The following PTK2 variants were observed in gnomAD, a reference collection of about 807,000 sequenced individuals.
PTK2 encodes focal adhesion kinase 1.
A neutral mutation model predicts 150.1 loss-of-function variants in PTK2; 45 were observed. The observed-to-expected ratio is 0.30, with a 90% CI of 0.24 to 0.38. The LOEUF (loss-of-function observed/expected upper bound fraction) is 0.38, where lower values mean the gene tolerates loss of function less well. Ranked by LOEUF, PTK2 falls within the 10% of genes least tolerant of loss-of-function variation. The pLI is 1.00. For synonymous variants in PTK2, 432 were observed against 449.2 expected, an observed-to-expected ratio of 0.96 and a Z score of 0.48; for missense variants, 919 against 1,307.3, an observed-to-expected ratio of 0.70 and a Z score of 4.58.
intron 26 of PTK2, among the ~76,000 whole-genome samples, chr8:140,695,399 C>T (rs1357149741): frequency 6.6e-6 from 1 of 151,580 alleles, no homozygotes; most frequent in East Asian, 1.9e-4. Flanking sequence ...GCAAGCAACG[C>T]TAAGGTGGTC....
chr8:140,979,002 C>G (rs1398794909), intron 1 of PTK2, among the ~76,000 whole-genome samples: 1 of 151,200 alleles, frequency 6.6e-6, no homozygotes, highest in Non-Finnish European at 1.5e-5. Context: ...AGCAAACTAT[C>G]GCAAGGACAA....
intron 2 of PTK2, among the ~76,000 whole-genome samples, chr8:140,914,552 T>A (rs1407823419): frequency 7.4e-6 from 1 of 135,894 alleles, no homozygotes; most frequent in South Asian, 2.2e-4. Context: ...CACCCAAGAG[T>A]TTTTTTTTTT....
At chr8:140,838,104 G>A (rs1264645769) in intron 7 of PTK2, among the ~76,000 whole-genome samples, 2 of 152,062 alleles carry the variant, frequency 1.3e-5, no homozygotes, top group Non-Finnish European at 2.9e-5. Context: ...TTGTGCATTA[G>A]GCTGTAAACA....
At chr8:140,796,218 T>C (rs774006857) in intron 12 of PTK2, among the ~76,000 whole-genome samples, 1 of 152,176 alleles carries the variant, frequency 6.6e-6, no homozygotes. Flanking sequence ...TTTGCAGAGA[T>C]AGTTGTGAGG....
At chr8:140,704,034 C>T (rs978296660) in intron 24 of PTK2, among the ~76,000 whole-genome samples, 1 of 152,132 alleles carries the variant, frequency 6.6e-6, no homozygotes, top group South Asian at 2.1e-4. Flanking sequence ...TCAAGTAAGA[C>T]ATATAGTTAG....
chr8:140,771,050 G>T, intron 14 of PTK2: 1 of 164,524 alleles, frequency 6.1e-6, no homozygotes. Context: ...GAATCTCCCA[G>T]CTCTGTAGAG....
chr8:140,897,511 T>A (rs1414563891), intron 2 of PTK2, among the ~76,000 whole-genome samples: 1 of 152,246 alleles, frequency 6.6e-6, no homozygotes, highest in African/African-American at 2.4e-5. Flanking sequence ...GGTCTGTGTC[T>A]GATGCTGTTA....
intron 11 of PTK2, 32 bp downstream of exon 11, chr8:140,803,511 T>C (rs1229403777): frequency 6.5e-7 from 1 of 1,543,724 alleles, no homozygotes; most frequent in Non-Finnish European, 9.0e-7. Context: ...TTTAACCATT[T>C]TCCCTTAATG....
chr8:140,752,185 C>A (rs773575369), intron 17 of PTK2, 47 bp downstream of exon 20: 2 of 1,460,894 alleles, frequency 1.4e-6, no homozygotes, highest in East Asian at 2.3e-5. Flanking sequence ...TTGGATTTCA[C>A]AGATAGAAAG....
intron 8 of PTK2, among the ~76,000 whole-genome samples, chr8:140,830,090 C>CACAT (rs2100114443): frequency 1.2e-5 from 1 of 82,104 alleles, no homozygotes; most frequent in Non-Finnish European, 2.9e-5. Context: ...CACATACACA[C>CACAT]ACACACACAC....
intron 1 of PTK2, among the ~76,000 whole-genome samples, chr8:140,999,796 T>C (rs1343381400): frequency 6.6e-6 from 1 of 150,832 alleles, no homozygotes; most frequent in East Asian, 1.9e-4. Context: ...TACTGGTCTG[T>C]TTTTCCAGCC....
At chr8:141,000,122 CA>C (rs2100199472) in intron 1 of PTK2, among the ~76,000 whole-genome samples, 1 of 149,462 alleles carries the variant, frequency 6.7e-6, no homozygotes, top group African/African-American at 2.5e-5. Context: ...CACACACACA[CA>C]CACCCCTTCT....
At chr8:140,937,831 T>C (rs931627348) in intron 1 of PTK2, among the ~76,000 whole-genome samples, 1 of 152,204 alleles carries the variant, frequency 6.6e-6, no homozygotes, top group African/African-American at 2.4e-5. Context: ...TGCACGTCTG[T>C]AGTCCCAGCT....
Position 140,912,260 on chromosome 8 carries a change from AC to A in PTK2, c.-33+13400del, listed in dbSNP as rs375522706. Among the ~76,000 whole-genome samples, 449 of 151,910 alleles carry A rather than the reference AC, an allele frequency of 3.0e-3. 3 individuals are homozygous for A. The highest frequency in any genetic ancestry group is 0.01 in the African/African-American group (421 of 41,344). Reference sequence around the variant, plus strand: ...TCTGTCTCTATAAAAGAAAAAAAAAACAAAAAAACAAAAAAATCAGGATAAT... The same window carrying A: ...TCTGTCTCTATAAAAGAAAAAAAAAAAAAAAAACAAAAAAATCAGGATAAT... On this transcript the variant is annotated intron_variant, in intron 2 of 31. Transcript: ENST00000522684.
At chr8:140,737,629 T>C (rs2100053342) in intron 21 of PTK2, among the ~76,000 whole-genome samples, 4 of 152,204 alleles carry the variant, frequency 2.6e-5, no homozygotes, top group Admixed American at 2.6e-4. Flanking sequence ...CATTCAGACA[T>C]TACAGTAACA....
intron 14 of PTK2, among the ~76,000 whole-genome samples, chr8:140,773,150 T>A (rs931536626): frequency 2.6e-5 from 4 of 152,204 alleles, no homozygotes; most frequent in East Asian, 1.9e-4. Context: ...GTGAATTTTT[T>A]AAAAAAGTAC....
At chr8:140,897,299 T>C (rs745334555) in intron 2 of PTK2, among the ~76,000 whole-genome samples, 1 of 152,150 alleles carries the variant, frequency 6.6e-6, no homozygotes, top group African/African-American at 2.4e-5. Flanking sequence ...TTTGTTACAA[T>C]GTTACCAGAA....
chr8:140,951,492 G>A (rs2100179538), intron 1 of PTK2, among the ~76,000 whole-genome samples: 1 of 152,188 alleles, frequency 6.6e-6, no homozygotes, highest in South Asian at 2.1e-4. Context: ...GGGAATTACA[G>A]GAACACTGGT....
At chr8:140,694,829 T>A (rs1466113169) in intron 26 of PTK2, among the ~76,000 whole-genome samples, 2 of 152,194 alleles carry the variant, frequency 1.3e-5, no homozygotes, top group Non-Finnish European at 2.9e-5. Flanking sequence ...ATAAAGCACG[T>A]GTGCTCATAA....
Sources: gnomAD v4.1 joint callset for allele counts (sites outside exome capture counted in the v4.1 genomes callset) on GRCh38, gnomAD v4.1.1 for gene constraint, MANE v1.5 for transcripts, NCBI Gene and HGNC (gene_info 2026-07-23, HGNC 2026-07-21) for gene names.